GALNT9: variants seen among roughly 807,000 people sequenced by gnomAD.
GALNT9 encodes the protein polypeptide N-acetylgalactosaminyltransferase 9.
In GALNT9, 47 loss-of-function variants were observed where a neutral mutation model predicts 63.1. That is an observed-to-expected ratio of 0.75 (90% CI 0.59 to 0.95). The LOEUF is 0.95. Ranked by LOEUF, GALNT9 falls within the 40% of genes least tolerant of loss-of-function variation. The probability of loss-of-function intolerance (pLI) is 0.00; values close to 1 mark genes in which losing one functional copy is unlikely to be tolerated. For synonymous variants in GALNT9, 396 were observed against 365.7 expected, an observed-to-expected ratio of 1.08 and a Z score of -0.94; for missense variants, 829 against 874.8, an observed-to-expected ratio of 0.95 and a Z score of 0.66.
At chr12:132,258,782 G>A (rs1385573033) in intron 4 of GALNT9, among the ~76,000 whole-genome samples, 2 of 152,222 alleles carry the variant, frequency 1.3e-5, no homozygotes, top group African/African-American at 4.8e-5. Flanking sequence ...TGGGAAGCAG[G>A]TGCAGCCCTC....
Position 132,245,168 on chromosome 12 carries a change from G to A in GALNT9, c.1077+2742C>T, listed in dbSNP as rs117118188. Among the ~76,000 whole-genome samples the A allele has an allele frequency of 4.4e-3, 675 of 152,140 alleles. 21 individuals carry two copies. In the East Asian group the frequency reaches 0.064, roughly 15 times the overall value. ...AGAAAGGCCCCTATGTCAGCCAGGC[G>A]TGGTGGTTCACACCTGGAATCCCAG... On this transcript the variant is annotated intron_variant, in intron 6 of 10. Transcript: ENST00000328957. This position sits in a 1 kb window ranked among gnomAD's most constrained non-coding sequence, Gnocchi z 6.3.
chr12:132,306,745 G>A (rs1480947365), intron 1 of GALNT9, among the ~76,000 whole-genome samples: 1 of 152,190 alleles, frequency 6.6e-6, no homozygotes, highest in African/African-American at 2.4e-5. Flanking sequence ...TCGAGATTCA[G>A]GGCTGAACAC....
At chr12:132,268,452 G>GA (rs1302036935) in intron 2 of GALNT9, among the ~76,000 whole-genome samples, 2 of 152,190 alleles carry the variant, frequency 1.3e-5, no homozygotes, top group African/African-American at 4.8e-5. Flanking sequence ...CCCTGGAAGG[G>GA]AATAGAGGAG....
rs1444825369 is a variant in GALNT9 at position 132,319,956 on chromosome 12, G to A, written c.238+9010C>T. ...CAGGCGCTCCTAAGGAAAAGGGGGCGGCCAGCGGCCCCCACCGCTGGGTCA... is the reference window on the plus strand; with the variant it reads ...CAGGCGCTCCTAAGGAAAAGGGGGCAGCCAGCGGCCCCCACCGCTGGGTCA... On this transcript the variant is annotated intron_variant, in intron 1 of 10. Transcript: ENST00000328957. This position sits in a 1 kb window ranked among gnomAD's most constrained non-coding sequence, Gnocchi z 5.2. Among the ~76,000 whole-genome samples the A allele has an allele frequency of 2.6e-5, 4 of 152,312 alleles. No homozygotes were observed. The highest frequency in any genetic ancestry group is 1.9e-4 in the East Asian group (1 of 5,170).
chr12:132,239,475 AAG>A (rs1878146333), intron 6 of GALNT9, among the ~76,000 whole-genome samples: 1 of 126,666 alleles, frequency 7.9e-6, no homozygotes, highest in African/African-American at 3.0e-5. Context: ...CAGAGAGACA[AAG>A]AGACAGAGAT....
chr12:132,323,238 G>A (rs1174873080), intron 1 of GALNT9, among the ~76,000 whole-genome samples: 8 of 152,232 alleles, frequency 5.3e-5, no homozygotes, highest in Admixed American at 3.9e-4. Context: ...AAATATGCAG[G>A]TTGCTGTGCT....
chr12:132,229,235 C>A (rs960822367), intron 6 of GALNT9, among the ~76,000 whole-genome samples: 29 of 152,362 alleles, frequency 1.9e-4, no homozygotes, highest in South Asian at 4.1e-4. Flanking sequence ...CTGGTCTTCT[C>A]CCCACTTAGG....
chr12:132,290,608 ACAG>A (rs1880775788), intron 1 of GALNT9, among the ~76,000 whole-genome samples: 1 of 143,678 alleles, frequency 7.0e-6, no homozygotes, highest in Non-Finnish European at 1.5e-5. Context: ...ACCCACAACC[ACAG>A]CACCCACAAC....
chr12:132,228,471 A>G (rs1412411537), intron 6 of GALNT9, among the ~76,000 whole-genome samples: 30 of 129,896 alleles, frequency 2.3e-4, no homozygotes, highest in Non-Finnish European at 4.2e-4. Context: ...CTCTGGCAAG[A>G]CAGGGCGGCC....
intron 1 of GALNT9, among the ~76,000 whole-genome samples, chr12:132,297,752 C>T (rs1483928831): frequency 1.3e-5 from 2 of 151,860 alleles, no homozygotes; most frequent in Non-Finnish European, 2.9e-5. Flanking sequence ...CCATGAAAAC[C>T]AACTCCCTCC....
chr12:132,222,971 G>A (rs1215401696), intron 6 of GALNT9, among the ~76,000 whole-genome samples: 34 of 66,998 alleles, frequency 5.1e-4, no homozygotes, highest in South Asian at 1.6e-3. Flanking sequence ...CACACAACCC[G>A]CACCCCACAC....
At chr12:132,243,582 G>T (rs1878559846) in intron 6 of GALNT9, among the ~76,000 whole-genome samples, 1 of 152,124 alleles carries the variant, frequency 6.6e-6, no homozygotes, top group South Asian at 2.1e-4. Context: ...GCTCCCAGGA[G>T]ACCCCAGTTC....
rs782758889 is a variant in GALNT9 at position 132,262,460 on chromosome 12, G to A, written c.585C>T (p.Asn195=). Residue 195 remains asparagine (N), a splice_region_variant and synonymous_variant, in exon 3 of 11, where the codon AAC becomes AAT. Coordinates refer to ENST00000328957, the MANE Select transcript of GALNT9 (RefSeq NM_001122636.2). The part of the protein sequence containing the change: ...EVILVDDNSD[N]VELKFNLDQY... Reference sequence around the variant, plus strand: ...CGTGCCGAGGCCCCGCCCACTCACCGTTGTCACTGTTGTCGTCCACCAGGA... The same window carrying A: ...CGTGCCGAGGCCCCGCCCACTCACCATTGTCACTGTTGTCGTCCACCAGGA... 4.6e-5 allele frequency: 71 copies of A among 1,549,316 alleles called. No individual in the cohort carries two copies. Among genetic ancestry groups the A allele is most frequent in the Non-Finnish European group, 5.6e-5 (64 of 1,146,054 alleles).
intron 6 of GALNT9, among the ~76,000 whole-genome samples, chr12:132,226,033 CCATA>C (rs1364061868): frequency 6.8e-6 from 1 of 147,196 alleles, no homozygotes; most frequent in Non-Finnish European, 1.5e-5. Context: ...CACATACACC[CCATA>C]CACACTATAC....
intron 6 of GALNT9, among the ~76,000 whole-genome samples, chr12:132,206,508 A>G (rs1028592204): frequency 6.6e-6 from 1 of 152,192 alleles, no homozygotes; most frequent in Non-Finnish European, 1.5e-5. Flanking sequence ...TTAGCTGGGC[A>G]TGGTGGCAGA....
chr12:132,314,950 C>A (rs1035097247), intron 1 of GALNT9, among the ~76,000 whole-genome samples: 4 of 152,232 alleles, frequency 2.6e-5, no homozygotes, highest in African/African-American at 9.6e-5. Context: ...CATCACTTAT[C>A]AAGCGCGACC....
intron 6 of GALNT9, among the ~76,000 whole-genome samples, chr12:132,221,658 C>A (rs1312832505): frequency 5.5e-3 from 439 of 79,422 alleles, no homozygotes; most frequent in Middle Eastern, 0.041. Context: ...GAGACGTTCT[C>A]AAAAAAAAAA....
chr12:132,275,476 G>A (rs1293598187), intron 2 of GALNT9: 1 of 152,274 alleles, frequency 6.6e-6, no homozygotes, highest in African/African-American at 2.4e-5. Context: ...ACGGAGAGCT[G>A]GCAAGACGCT....
rs367669505 is a variant in GALNT9, at chr12:132,203,675, C to T, written c.1093G>A (p.Gly365Ser). Reference sequence around the variant, plus strand: ...GAGCAGGGCAGCACCTCCATGCTGCCGCCACACTGCCACACCTGCGGGGAG... The same window carrying T: ...GAGCAGGGCAGCACCTCCATGCTGCTGCCACACTGCCACACCTGCGGGGAG... ...ELGMRVWQCG[G>S]SMEVLPCSRV... The change falls in exon 7 of 11, where the codon GGC becomes AGC. Residue 365 changes from glycine to serine, a missense_variant. By Grantham distance (56) the Gly-to-Ser change is moderately conservative. Coordinates refer to ENST00000328957, the MANE Select transcript of GALNT9 (RefSeq NM_001122636.2). 26 of 1,612,528 alleles carry T rather than the reference C, an allele frequency of 1.6e-5. No homozygotes were observed. The highest frequency in any genetic ancestry group is 2.2e-5 in the East Asian group (1 of 44,856).
Sources: gnomAD v4.1 joint callset for allele counts (sites outside exome capture counted in the v4.1 genomes callset) on GRCh38, gnomAD v4.1.1 for gene constraint, Gnocchi (gnomAD v3.1) non-coding constraint, MANE v1.5 for transcripts, NCBI Gene and HGNC (gene_info 2026-07-23, HGNC 2026-07-21) for gene names.